The following MPDZ variants were observed in gnomAD, a reference collection of about 807,000 sequenced individuals.
The protein encoded by MPDZ is multiple PDZ domain protein.
Under a neutral mutation model 239.1 loss-of-function variants are expected in MPDZ, and 234 were observed. The ratio of observed to expected loss-of-function variants is 0.98; its 90% CI spans 0.88 to 1.09. The LOEUF (loss-of-function observed/expected upper bound fraction) is 1.09, where lower values mean the gene tolerates loss of function less well. Ranked by LOEUF, MPDZ falls within the 50% of genes least tolerant of loss-of-function variation. The pLI is 0.00. For missense variants in MPDZ, 3,175 were observed against 2,510.0 expected, an observed-to-expected ratio of 1.26 and a Z score of -5.66; for synonymous variants, 1,048 against 881.3, an observed-to-expected ratio of 1.19 and a Z score of -3.35.
In MPDZ at chr9:13,267,390, A is replaced by G. The variant is rs370239636; in HGVS notation, c.-58+12010T>C. On this transcript the variant is annotated intron_variant, in intron 1 of 46. Coordinates refer to ENST00000319217, the MANE Select transcript of MPDZ (RefSeq NM_001378778.1). The stretch of plus-strand genomic sequence containing the variant: ...ATACTTTATACCCTCATTTTCAGAC[A>G]AGAAAATTGAGGTTCAGAAAGATAG... Among the ~76,000 whole-genome samples the G allele has an allele frequency of 1.2e-4, 18 of 152,272 alleles. No homozygotes were observed. In the East Asian group the frequency reaches 3.3e-3, roughly 28 times the overall value.
intron 21 of MPDZ, 138 bp downstream of exon 21, chr9:13,175,614 T>A: frequency 1.1e-6 from 1 of 876,892 alleles, no homozygotes; most frequent in Non-Finnish European, 1.7e-6. Context: ...AATGAGGACA[T>A]AGAAATAAAA....
At chr9:13,120,149 C>T (rs1341444570) in intron 38 of MPDZ, 1 of 154,214 alleles carries the variant, frequency 6.5e-6, no homozygotes. Flanking sequence ...AGTACCATTG[C>T]TGTGATGTCT....
chr9:13,188,795 T>C lies in MPDZ; in HGVS notation c.2353A>G (p.Lys785Glu). The C allele has an allele frequency of 6.2e-7, 1 of 1,613,118 alleles. No homozygotes were observed. Among genetic ancestry groups the C allele is most frequent in the Non-Finnish European group, 8.5e-7 (1 of 1,179,268 alleles). Residue 785 changes from lysine to glutamate, a missense_variant, in exon 17 of 47, where the codon AAG becomes GAG. Physicochemically the swap from Lys to Glu is moderately conservative, Grantham distance 56. Coordinates refer to ENST00000319217, the MANE Select transcript of MPDZ (RefSeq NM_001378778.1). ...PSGTVRIGVA[K>E]PLPLSPEEGY... ...GTCTGAATTCTTACGGGTAAAGGCT[T>C]AGCAACTCCTATTCTCACAGTCCCT...
chr9:13,159,079 C>G (rs1208933251), intron 23 of MPDZ, among the ~76,000 whole-genome samples: 1 of 152,128 alleles, frequency 6.6e-6, no homozygotes, highest in East Asian at 1.9e-4. Context: ...TACAGCCATT[C>G]TCCCCTGACA....
At chr9:13,254,221 G>C (rs1036578366) in intron 1 of MPDZ, among the ~76,000 whole-genome samples, 2 of 152,168 alleles carry the variant, frequency 1.3e-5, no homozygotes, top group Admixed American at 1.3e-4. Context: ...AAGGTATGAA[G>C]AAGTCAGAAT....
intron 21 of MPDZ, among the ~76,000 whole-genome samples, chr9:13,173,453 A>T (rs1952045076): frequency 6.6e-6 from 1 of 152,158 alleles, no homozygotes; most frequent in African/African-American, 2.4e-5. Context: ...CTGTAATCCT[A>T]GCACTTTGGG....
intron 12 of MPDZ, among the ~76,000 whole-genome samples, chr9:13,201,190 T>G (rs1056893414): frequency 2.6e-5 from 4 of 152,092 alleles, no homozygotes; most frequent in Non-Finnish European, 5.9e-5. Flanking sequence ...ATTTTTTTAC[T>G]GTTCTTCACT....
At chr9:13,179,524 T>C (rs1952989716) in intron 19 of MPDZ, among the ~76,000 whole-genome samples, 1 of 152,120 alleles carries the variant, frequency 6.6e-6, no homozygotes, top group Non-Finnish European at 1.5e-5. Context: ...ATACGCCCAC[T>C]TCAGAAACGT....
chr9:13,174,333 T>C (rs1952178720), intron 21 of MPDZ, among the ~76,000 whole-genome samples: 1 of 152,198 alleles, frequency 6.6e-6, no homozygotes, highest in Non-Finnish European at 1.5e-5. Flanking sequence ...ATGGTGTCTA[T>C]GCATAGTGGA....
intron 39 of MPDZ, among the ~76,000 whole-genome samples, chr9:13,116,951 T>G (rs114697107): frequency 0.011 from 1,620 of 152,134 alleles, 32 homozygotes; most frequent in African/African-American, 0.037. Flanking sequence ...CCCCCTTTAT[T>G]ATAGGGGGGA....
At chr9:13,183,733 C>T in intron 18 of MPDZ, 148 bp from the exon 19 acceptor site, 4 of 730,350 alleles carry the variant, frequency 5.5e-6, no homozygotes, top group Non-Finnish European at 8.9e-6. Context: ...TCAGACACTG[C>T]TAATGCAGCA....
intron 1 of MPDZ, among the ~76,000 whole-genome samples, chr9:13,278,751 C>T (rs940608688): frequency 2.0e-5 from 3 of 152,072 alleles, no homozygotes; most frequent in African/African-American, 2.4e-5. Flanking sequence ...GGACGGGGCA[C>T]CGGTACCAAT....
chr9:13,279,475 GGATGCCTCGCCTCGCCCAC>G lies in MPDZ; in HGVS notation c.-152_-134del, dbSNP rs1183039046. On this transcript the variant is annotated 5_prime_UTR_variant, in exon 1 of 47. Coordinates refer to ENST00000319217, the MANE Select transcript of MPDZ (RefSeq NM_001378778.1). The stretch of plus-strand genomic sequence containing the variant: ...GGGAGCAGGGGTCGCCGGGGCCTCT[GGATGCCTCGCCTCGCCCAC>G]GCTCACTGTCTTCTCTTCTGAAGTA... The G allele has an allele frequency of 1.3e-5, 2 of 148,614 alleles. No individual in the cohort carries two copies. The highest frequency in any genetic ancestry group is 4.9e-5 in the African/African-American group (2 of 41,018). The allele number at this position is 148,614 out of a possible 1,614,324, so 9.2% of individuals were successfully genotyped here.
chr9:13,148,479 A>G (rs1440013821), intron 25 of MPDZ, among the ~76,000 whole-genome samples: 2 of 152,066 alleles, frequency 1.3e-5, no homozygotes, highest in Non-Finnish European at 2.9e-5. Flanking sequence ...AAAGAACATT[A>G]TTAGATCTTT....
chr9:13,271,550 C>T (rs1972957400), intron 1 of MPDZ, among the ~76,000 whole-genome samples: 1 of 152,176 alleles, frequency 6.6e-6, no homozygotes, highest in Admixed American at 6.5e-5. Context: ...GCAAAAACCC[C>T]AAATCTATCC....
At chr9:13,177,803 AGAGTATTC>A (rs1291985286) in intron 19 of MPDZ, among the ~76,000 whole-genome samples, 1 of 152,166 alleles carries the variant, frequency 6.6e-6, no homozygotes, top group Non-Finnish European at 1.5e-5. Context: ...GGGAGGACAG[AGAGTATTC>A]ATATCCACAA....
chr9:13,238,819 T>C (rs1964705051), intron 3 of MPDZ, among the ~76,000 whole-genome samples: 1 of 152,174 alleles, frequency 6.6e-6, no homozygotes, highest in Non-Finnish European at 1.5e-5. Context: ...CAGAAGCCGA[T>C]GAAAATCTAG....
intron 3 of MPDZ, among the ~76,000 whole-genome samples, chr9:13,242,215 CTTTTTTTTTTTT>C (rs145555644): frequency 2.0e-5 from 1 of 50,754 alleles, no homozygotes; most frequent in Non-Finnish European, 3.3e-5. Flanking sequence ...TGTTAGGATG[CTTTTTTTTTTTT>C]TTTTTTTTTT....
In MPDZ at chr9:13,162,768, C is replaced by A; in HGVS notation, c.3282G>T (p.Leu1094Phe). Residue 1094 changes from leucine (L) to phenylalanine (F), a missense_variant, in exon 23 of 47, where the codon TTG (leucine) becomes TTT (phenylalanine). By Grantham distance (22) the Leu-to-Phe change is conservative (BLOSUM62 0). Transcript: ENST00000319217. ...IKITYVPAEH[L>F]EEFKISLGQQ... is the part of the protein sequence containing the mutation. ...GTCCCAAGCTTATTTTGAACTCTTC[C>A]AAATGTTCTGCAGGCACATAAGTAA... The A allele has an allele frequency of 6.2e-7, 1 of 1,610,064 alleles. No homozygotes were observed. Among genetic ancestry groups the A allele is most frequent in the Non-Finnish European group, 8.5e-7 (1 of 1,177,688 alleles).
Sources: allele counts gnomAD v4.1 joint callset (sites outside exome capture counted in the v4.1 genomes callset), GRCh38; gene constraint gnomAD v4.1.1; transcripts MANE v1.5; gene names NCBI Gene and HGNC (gene_info 2026-07-23, HGNC 2026-07-21).